Variants in SNED1 observed in about 807,000 individuals in gnomAD.
SNED1 encodes the protein sushi, nidogen and EGF-like domain-containing protein 1.
Under a neutral mutation model 166.7 loss-of-function variants are expected in SNED1, and 81 were observed. The observed-to-expected ratio is 0.49, with a 90% confidence interval of 0.41 to 0.58. The LOEUF (loss-of-function observed/expected upper bound fraction) is 0.58. Ranked by LOEUF, SNED1 falls within the 20% of genes least tolerant of loss-of-function variation. SNED1 has a pLI of 0.00. For missense variants in SNED1, 1,604 were observed against 2,000.2 expected, an observed-to-expected ratio of 0.80 and a Z score of 3.78; for synonymous variants, 762 against 822.0, an observed-to-expected ratio of 0.93 and a Z score of 1.25.
Position 241,087,408 on chromosome 2 carries a change from C to T in SNED1, c.4138C>T (p.Arg1380Ter). The change falls in exon 30 of 32, where the codon CGA becomes TGA. Residue 1380 changes from arginine to a stop codon, truncating the protein, a stop_gained. Coordinates refer to ENST00000310397, the MANE Select transcript of SNED1 (RefSeq NM_001080437.3). LOFTEE classifies it high-confidence loss of function. ...VCHHVYKRVY[R>*]VHQDICFKES... is the part of the protein sequence containing the mutation. ...TGACAACAGGTATAAAAGAGTCTACCGAGTTCACCAAGACATCTGCTTCAA... is the reference window on the plus strand; with the variant it reads ...TGACAACAGGTATAAAAGAGTCTACTGAGTTCACCAAGACATCTGCTTCAA... 3 of 1,601,252 alleles carry T rather than the reference C, an allele frequency of 1.9e-6. No homozygotes were observed. The highest frequency in any genetic ancestry group is 2.6e-6 in the Non-Finnish European group (3 of 1,173,956).
At chr2:241,089,832 C>T in intron 31 of SNED1, 1 of 1,351,202 alleles carries the variant, frequency 7.4e-7, no homozygotes, top group Non-Finnish European at 9.8e-7. Context: ...CGCACCTAGG[C>T]TGTGTGGCAG....
chr2:241,043,453 A>G (rs192673800), intron 8 of SNED1, among the ~76,000 whole-genome samples: 21 of 152,314 alleles, frequency 1.4e-4, no homozygotes, highest in Non-Finnish European at 8.8e-5. Flanking sequence ...ACTTTTTTAC[A>G]CAAACAAAAA....
intron 28 of SNED1, 139 bp from the exon 29 acceptor site, chr2:241,082,138 C>CG (rs374369482): frequency 4.9e-5 from 33 of 670,030 alleles, no homozygotes; most frequent in African/African-American, 4.8e-4. Flanking sequence ...TGCAGACCCC[C>CG]GGGCCCTCTC....
At chr2:241,063,108 C>T (rs1366887773) in intron 17 of SNED1, among the ~76,000 whole-genome samples, 1 of 152,256 alleles carries the variant, frequency 6.6e-6, no homozygotes, top group Non-Finnish European at 1.5e-5. Context: ...ACTGAGAGCC[C>T]AGCTGAGAAA....
In SNED1 at chr2:241,068,889, C is replaced by T. The variant is rs2062582602; in HGVS notation, c.3195-22C>T. 6.6e-7 allele frequency: 1 copy of T among 1,507,472 alleles called. No individual in the cohort carries two copies. The highest frequency in any genetic ancestry group is 1.7e-4 in the Middle Eastern group (1 of 5,868). 93.4% of individuals were successfully genotyped at this position (1,507,472 alleles called of 1,614,324 possible). A position where few individuals can be genotyped will look rare whatever the true frequency, so the allele number is the denominator to read the frequency against. On this transcript the variant is annotated intron_variant, in intron 22 of 31. Coordinates refer to ENST00000310397, the MANE Select transcript of SNED1 (RefSeq NM_001080437.3). This position sits in a 1 kb window ranked among gnomAD's most constrained non-coding sequence, Gnocchi z 5.3. ...CAGGTCCCAGACATCCCTGTTCTCT[C>T]TTTGTCACCTCCTGCCCACAGGGCC...
chr2:241,035,624 G>A (rs1416864409), intron 4 of SNED1: 1 of 152,170 alleles, frequency 6.6e-6, no homozygotes, highest in East Asian at 1.9e-4. Context: ...GCTACGAGAG[G>A]GGAGAGGGGC....
Position 241,071,964 on chromosome 2 carries a change from G to A in SNED1, c.3817+86G>A, listed in dbSNP as rs767345441. On this transcript the variant is annotated intron_variant, in intron 26 of 31. Transcript: ENST00000310397. ...CACCAGGTCCTGTCCCCTACATGAT[G>A]AGCCCACCCCCACCGCCAGCGCAGT... 13 of 1,119,106 alleles carry A rather than the reference G, an allele frequency of 1.2e-5. No individual in the cohort carries two copies. The African/African-American group carries it at 1.2e-4, about 11-fold the overall frequency. The allele number at this position is 1,119,106 out of a possible 1,614,324, so 69.3% of individuals were successfully genotyped here.
At position 241,068,071 on chromosome 2, in the gene SNED1, G is replaced by T; in HGVS notation, c.3194+124G>T. 1 of 928,580 alleles carries T rather than the reference G, an allele frequency of 1.1e-6. No homozygotes were observed. Among genetic ancestry groups the T allele is most frequent in the Non-Finnish European group, 1.6e-6 (1 of 626,384 alleles). The allele number at this position is 928,580 out of a possible 1,614,324, so 57.5% of individuals were successfully genotyped here. On this transcript the variant is annotated intron_variant, in intron 22 of 31. Transcript: ENST00000310397. This position sits in a 1 kb window ranked among gnomAD's most constrained non-coding sequence, Gnocchi z 5.3. ...CTGTACCACCTGCCGCTCCTCACCT[G>T]AGCGGAGACAAAGGTCTCAGGTGAG... is the stretch of plus-strand genomic sequence containing the variant.
chr2:241,061,863 AAAAAG>A (rs1032402158), intron 16 of SNED1, among the ~76,000 whole-genome samples: 21 of 152,038 alleles, frequency 1.4e-4, no homozygotes, highest in African/African-American at 4.8e-4. Flanking sequence ...CCAAAAAAAA[AAAAAG>A]AAAAAAAGAA....
chr2:241,063,195 C>G (rs1290558553), intron 17 of SNED1, among the ~76,000 whole-genome samples: 1 of 152,224 alleles, frequency 6.6e-6, no homozygotes, highest in Non-Finnish European at 1.5e-5. Context: ...CTGGTCGGTG[C>G]TTCCAGCCAG....
At position 241,048,381 on chromosome 2, in the gene SNED1, C is replaced by T. The variant is rs200054939; in HGVS notation, c.1340C>T (p.Ala447Val). The change falls in exon 9 of 32, where the codon GCG becomes GTG. Residue 447 changes from alanine to valine, a missense_variant. Around this residue, in one of 2 missense-constraint regions of SNED1, gnomAD observed 1,237 missense variants for 1,620.8 expected, o/e 0.76. Coordinates refer to ENST00000310397, the MANE Select transcript of SNED1 (RefSeq NM_001080437.3). ...CACAATGGGGGCACCTGTGTGGATGCGGACCAGGGCTACGTGTGCGAGTGC... is the reference window on the plus strand; with the variant it reads ...CACAATGGGGGCACCTGTGTGGATGTGGACCAGGGCTACGTGTGCGAGTGC... ...PCHNGGTCVDADQGYVCECPE... is the reference protein window; with the variant it reads ...PCHNGGTCVDVDQGYVCECPE... 270 of 1,611,276 alleles carry T rather than the reference C, an allele frequency of 1.7e-4. 1 individual carries two copies. In the African/African-American group the frequency reaches 3.0e-3, roughly 18 times the overall value.
In SNED1 at chr2:241,094,293, T is replaced by TA. The variant is rs2064240948; in HGVS notation, c.*2658dup. 1 of 469,342 alleles carries TA rather than the reference T, an allele frequency of 2.1e-6. No individual in the cohort carries two copies. Among genetic ancestry groups the TA allele is most frequent in the African/African-American group, 2.0e-5 (1 of 50,014 alleles). The allele number at this position is 469,342 out of a possible 1,614,324, so 29.1% of individuals were successfully genotyped here. A position where few individuals can be genotyped will look rare whatever the true frequency, so the allele number is the denominator to read the frequency against. ...TCAGCTCACCTCCTGCACCTCCCCT[T>TA]AGCAGGAACTCCTTCCACTGGCAAA... On this transcript the variant is annotated 3_prime_UTR_variant, in exon 32 of 32. Coordinates refer to ENST00000310397, the MANE Select transcript of SNED1 (RefSeq NM_001080437.3). The surrounding 1 kb of genome is among the most constrained non-coding windows in gnomAD (Gnocchi z 4.3).
In SNED1 at chr2:241,028,191, A is replaced by G. The variant is rs371768724; in HGVS notation, c.214-2093A>G. On this transcript the variant is annotated intron_variant, in intron 1 of 31. Transcript: ENST00000310397. ...TCTATATTCAGGATATTAATCCTTT[A>G]TCAGATATATGATTTGCAAATATTT... is the stretch of plus-strand genomic sequence containing the variant. 8.5e-5 allele frequency among the ~76,000 whole-genome samples: 13 copies of G among 152,288 alleles called. 1 individual carries two copies. In the South Asian group the frequency reaches 2.7e-3, roughly 32 times the overall value.
chr2:241,091,860 GT>G lies in SNED1; in HGVS notation c.*225del, dbSNP rs2064030277. On this transcript the variant is annotated 3_prime_UTR_variant, in exon 32 of 32. Coordinates refer to ENST00000310397, the MANE Select transcript of SNED1 (RefSeq NM_001080437.3). The surrounding 1 kb of genome is among the most constrained non-coding windows in gnomAD (Gnocchi z 4.1). ...CCCCTCTGGGACCAACCACCTGTGA[GT>G]CCTGCGATGCGTTTAAGCAGCCTGT... is the stretch of plus-strand genomic sequence containing the variant. 6.6e-6 allele frequency: 1 copy of G among 152,592 alleles called. No individual in the cohort carries two copies. Among genetic ancestry groups the G allele is most frequent in the Non-Finnish European group, 1.5e-5 (1 of 68,342 alleles). 9.5% of individuals were successfully genotyped at this position (152,592 alleles called of 1,614,324 possible).
chr2:241,090,013 A>C (rs1575154119), intron 31 of SNED1: 2 of 1,548,692 alleles, frequency 1.3e-6, no homozygotes, highest in Non-Finnish European at 1.7e-6. Flanking sequence ...TGGAATGCGC[A>C]GGACTGGCAG....
chr2:241,016,569 T>C (rs2060601293), intron 1 of SNED1, among the ~76,000 whole-genome samples: 1 of 152,214 alleles, frequency 6.6e-6, no homozygotes, highest in African/African-American at 2.4e-5. Flanking sequence ...TTTTAGCAAC[T>C]TAATGTGAAA....
In SNED1 at chr2:241,095,060, GCC is replaced by G. The variant is rs10573691; in HGVS notation, c.*3438_*3439del. 0.25 allele frequency: 22,359 copies of G among 90,334 alleles called. 3,088 individuals carry two copies. Among genetic ancestry groups the G allele is most frequent in the African/African-American group, 0.28 (8,537 of 30,700 alleles). 5.6% of individuals were successfully genotyped at this position (90,334 alleles called of 1,614,324 possible). On this transcript the variant is annotated 3_prime_UTR_variant, in exon 32 of 32. Transcript: ENST00000310397. ...CTCATTGAGTTCCCTAAGGTGACACGCCCCCCCCCCCCCCCACACCCACCTTG... is the reference window on the plus strand; with the variant it reads ...CTCATTGAGTTCCCTAAGGTGACACGCCCCCCCCCCCCCACACCCACCTTG...
At chr2:241,065,006 C>T (rs1174494280) in intron 20 of SNED1, 49 bp downstream of exon 20, 9 of 1,397,074 alleles carry the variant, frequency 6.4e-6, no homozygotes, top group Non-Finnish European at 8.7e-6. Context: ...GGGGTCCCCT[C>T]TCCCTAGAGG....
chr2:241,082,748 T>A (rs961672256), intron 29 of SNED1, among the ~76,000 whole-genome samples: 1 of 152,204 alleles, frequency 6.6e-6, no homozygotes, highest in Non-Finnish European at 1.5e-5. Flanking sequence ...CCGGCCCCAG[T>A]TCTGCCATTA....
Sources: allele counts gnomAD v4.1 joint callset (sites outside exome capture counted in the v4.1 genomes callset), GRCh38; gene constraint gnomAD v4.1.1; regional missense constraint gnomAD v4.1.1; non-coding constraint Gnocchi (gnomAD v3.1); transcripts MANE v1.5; gene names NCBI Gene and HGNC (gene_info 2026-07-23, HGNC 2026-07-21).